Variants in WDPCP observed in about 807,000 individuals in gnomAD.
The protein encoded by WDPCP is WD repeat containing planar cell polarity effector, also known as WD repeat-containing and planar cell polarity effector protein fritz homolog.
A neutral mutation model predicts 93.1 loss-of-function variants in WDPCP; 71 were observed. The observed-to-expected ratio is 0.76, with a 90% CI of 0.63 to 0.93. The LOEUF is 0.93. Among genes scored for constraint, WDPCP ranks in the 40% least tolerant of loss-of-function variants. The pLI, the probability that WDPCP is intolerant of heterozygous loss-of-function variation, is 0.00. For synonymous variants in WDPCP, 315 were observed against 315.0 expected (o/e 1.00, Z 0.00); for missense variants, 844 against 887.4 (o/e 0.95, Z 0.62).
At chr2:63,148,507 ATTTGTT>A (rs576997604) in intron 17 of WDPCP, among the ~76,000 whole-genome samples, 11 of 151,648 alleles carry the variant, frequency 7.3e-5, no homozygotes, top group African/African-American at 2.2e-4. Flanking sequence ...GCCAGCTAAT[ATTTGTT>A]TTTGTTTTTG....
At chr2:63,710,519 ATGCC>A (rs1669246411) in intron 2 of WDPCP, among the ~76,000 whole-genome samples, 1 of 152,226 alleles carries the variant, frequency 6.6e-6, no homozygotes, top group Non-Finnish European at 1.5e-5. Context: ...CACATAGAGT[ATGCC>A]CTCTCTTTCC....
intron 1 of WDPCP, chr2:63,571,452 A>G (rs1707497281): frequency 2.1e-6 from 1 of 467,294 alleles, no homozygotes; most frequent in Non-Finnish European, 4.4e-6. Flanking sequence ...AATTTCCTTT[A>G]GCATTTCTTG....
intron 2 of WDPCP, among the ~76,000 whole-genome samples, chr2:63,713,563 C>A (rs914683880): frequency 6.6e-6 from 1 of 152,166 alleles, no homozygotes; most frequent in African/African-American, 2.4e-5. Context: ...ATCTTCATAC[C>A]AATTTACCCA....
intron 2 of WDPCP, among the ~76,000 whole-genome samples, chr2:63,765,527 AG>A (rs560584171): frequency 1.3e-5 from 2 of 152,166 alleles, no homozygotes; most frequent in Non-Finnish European, 2.9e-5. Context: ...TGGGGCCTTG[AG>A]GGGCTTGGTA....
chr2:63,151,275 A>G (rs892392733), intron 17 of WDPCP, among the ~76,000 whole-genome samples: 39 of 152,080 alleles, frequency 2.6e-4, no homozygotes, highest in African/African-American at 9.2e-4. Flanking sequence ...CTCAGGGTGG[A>G]GTGCAGTGGT....
intron 2 of WDPCP, among the ~76,000 whole-genome samples, chr2:63,677,662 A>T (rs1710440501): frequency 1.3e-5 from 2 of 152,194 alleles, no homozygotes; most frequent in Admixed American, 6.5e-5. Context: ...GATATCTTCA[A>T]AATGCTAAAA....
At chr2:63,287,152 G>T (rs11684108) in intron 13 of WDPCP, among the ~76,000 whole-genome samples, 138 of 152,122 alleles carry the variant, frequency 9.1e-4, no homozygotes, top group African/African-American at 3.0e-3. Flanking sequence ...TATTGGATAA[G>T]GGGCCCATCC....
Position 63,588,234 on chromosome 2 carries a change from G to T in WDPCP, c.38C>A (p.Ala13Glu). ...TGGGGAAGAAGCGCGACTCCCGGCCGCTTTGGAGTAGGCGTCCCAGCAAAA... is the reference window on the plus strand; with the variant it reads ...TGGGGAAGAAGCGCGACTCCCGGCCTCTTTGGAGTAGGCGTCCCAGCAAAA... ...REFCWDAYSK[A>E]AGSRASSPLP... The change falls in exon 1 of 18, where the codon GCG (alanine) becomes GAG (glutamate). Residue 13 changes from alanine to glutamate, a missense_variant. By Grantham distance (107) the Ala-to-Glu change is moderately radical. Transcript: ENST00000272321. 1 of 1,577,696 alleles carries T rather than the reference G, an allele frequency of 6.3e-7. No homozygotes were observed. Among genetic ancestry groups the T allele is most frequent in the Non-Finnish European group, 8.6e-7 (1 of 1,159,288 alleles).
At chr2:63,144,286 T>C (rs1280698578) in intron 17 of WDPCP, among the ~76,000 whole-genome samples, 1 of 149,044 alleles carries the variant, frequency 6.7e-6, no homozygotes, top group African/African-American at 2.4e-5. Flanking sequence ...TTTATTTTAT[T>C]TTATTTTATT....
chr2:63,742,810 A>G (rs979363927), intron 2 of WDPCP, among the ~76,000 whole-genome samples: 3 of 151,302 alleles, frequency 2.0e-5, no homozygotes, highest in Admixed American at 1.3e-4. Flanking sequence ...CTCTATACCC[A>G]GTCCTTGCCT....
chr2:63,741,148 C>G (rs752341659), intron 2 of WDPCP, among the ~76,000 whole-genome samples: 2 of 152,098 alleles, frequency 1.3e-5, no homozygotes, highest in Non-Finnish European at 2.9e-5. Context: ...AAGGTTGACT[C>G]TAACAATCAG....
intron 2 of WDPCP, among the ~76,000 whole-genome samples, chr2:63,652,111 G>C (rs561745132): frequency 7.2e-5 from 11 of 152,350 alleles, no homozygotes; most frequent in Non-Finnish European, 1.3e-4. Context: ...AAAGATGCAA[G>C]TGGCCCTGAT....
chr2:63,727,746 CAG>C (rs1309536540), intron 2 of WDPCP, among the ~76,000 whole-genome samples: 1 of 152,102 alleles, frequency 6.6e-6, no homozygotes, highest in Admixed American at 6.5e-5. Context: ...TTGGTCTGTT[CAG>C]AGTTTCAATT....
At chr2:63,453,489 G>A (rs1040158102) in intron 6 of WDPCP, among the ~76,000 whole-genome samples, 6 of 152,194 alleles carry the variant, frequency 3.9e-5, no homozygotes, top group African/African-American at 1.2e-4. Context: ...CTTTTACACT[G>A]TTGGTGGGAC....
chr2:63,485,532 GC>G (rs1381804976), intron 4 of WDPCP, among the ~76,000 whole-genome samples: 2 of 151,692 alleles, frequency 1.3e-5, no homozygotes, highest in Non-Finnish European at 2.9e-5. Flanking sequence ...AACAAATTAG[GC>G]CCTAATAGTG....
intron 3 of WDPCP, among the ~76,000 whole-genome samples, chr2:63,635,261 A>G (rs1193824646): frequency 2.0e-5 from 3 of 152,188 alleles, no homozygotes; most frequent in African/African-American, 7.2e-5. Context: ...GACCAGGAAC[A>G]GTAGCTTTAC....
chr2:63,704,626 C>T (rs1356584267), intron 2 of WDPCP, among the ~76,000 whole-genome samples: 1 of 152,124 alleles, frequency 6.6e-6, no homozygotes, highest in Admixed American at 6.5e-5. Flanking sequence ...GTTGAACCAC[C>T]CTTGCATCCC....
chr2:63,428,705 T>C (rs1235874852), intron 9 of WDPCP, among the ~76,000 whole-genome samples: 1 of 152,128 alleles, frequency 6.6e-6, no homozygotes. Context: ...TCCTGTTCAA[T>C]ATAGTACTGG....
At chr2:63,348,150 TTTAA>T (rs1248786890) in intron 12 of WDPCP, among the ~76,000 whole-genome samples, 1 of 152,206 alleles carries the variant, frequency 6.6e-6, no homozygotes, top group African/African-American at 2.4e-5. Flanking sequence ...AATCTTGGCA[TTTAA>T]TTAAAGTTTG....
Sources: allele counts gnomAD v4.1 joint callset (sites outside exome capture counted in the v4.1 genomes callset), GRCh38; gene constraint gnomAD v4.1.1; transcripts MANE v1.5; gene names NCBI Gene and HGNC (gene_info 2026-07-23, HGNC 2026-07-21).